The following DNAH8 variants were observed in gnomAD, a reference collection of about 807,000 sequenced individuals.
DNAH8 encodes dynein axonemal heavy chain 8.
A neutral mutation model predicts 562.1 loss-of-function variants in DNAH8; 382 were observed. The ratio of observed to expected loss-of-function variants is 0.68; its 90% CI spans 0.63 to 0.74. The LOEUF (loss-of-function observed/expected upper bound fraction) is 0.74. Ranked by LOEUF, DNAH8 falls within the 30% of genes least tolerant of loss-of-function variation. The pLI is 0.00. For synonymous variants in DNAH8, 1,881 were observed against 1,919.4 expected, an observed-to-expected ratio of 0.98 and a Z score of 0.52; for missense variants, 5,203 against 5,620.4, an observed-to-expected ratio of 0.93 and a Z score of 2.37.
chr6:38,831,354 G>T (rs1008540863), intron 30 of DNAH8, among the ~76,000 whole-genome samples: 1 of 149,696 alleles, frequency 6.7e-6, no homozygotes, highest in Admixed American at 6.7e-5. Flanking sequence ...GAGCCCCAGA[G>T]GTTGAGACTG....
At position 38,896,129 on chromosome 6, in the gene DNAH8, T is replaced by C. The variant is rs138178449; in HGVS notation, c.8844T>C (p.Pro2948=). Residue 2948 remains proline (P), a synonymous_variant, in exon 60 of 93, where the codon CCT becomes CCC. Transcript: ENST00000327475. The part of the protein sequence containing the change: ...IGSDAASCIL[P]EPYFVDFLRE... ...CTGATGCAGCGTCGTGTATTCTTCC[T>C]GAACCATACTTTGTGGATTTTCTTC... 8.8e-5 allele frequency: 142 copies of C among 1,613,856 alleles called. No homozygotes were observed. In the African/African-American group the frequency reaches 1.8e-3, roughly 21 times the overall value.
At chr6:38,945,794 T>A (rs1761360816) in intron 80 of DNAH8, among the ~76,000 whole-genome samples, 1 of 152,150 alleles carries the variant, frequency 6.6e-6, no homozygotes, top group Non-Finnish European at 1.5e-5. Flanking sequence ...GCAACTATGT[T>A]TTCCTCCTGT....
intron 88 of DNAH8, among the ~76,000 whole-genome samples, chr6:39,002,593 T>C (rs2150753729): frequency 6.6e-6 from 1 of 152,352 alleles, no homozygotes; most frequent in East Asian, 1.9e-4. Flanking sequence ...TTCAACTGCA[T>C]GCATGTTTCA....
chr6:38,785,163 A>G lies in DNAH8; in HGVS notation c.2396-1602A>G, dbSNP rs956870993. Among the ~76,000 whole-genome samples, 4 of 152,224 alleles carry G rather than the reference A, an allele frequency of 2.6e-5. No individual in the cohort carries two copies. In the South Asian group the frequency reaches 6.2e-4, roughly 24 times the overall value. On this transcript the variant is annotated intron_variant, in intron 17 of 92. Coordinates refer to ENST00000327475, the MANE Select transcript of DNAH8 (RefSeq NM_001206927.2). ...TTTTTCACAAGTAAAACAAACAGTC[A>G]GTAGAATTCTTTAACTTCTTTCATT...
intron 72 of DNAH8, 21 bp from the exon 73 acceptor site, chr6:38,923,970 G>T (rs1781916163): frequency 1.9e-6 from 3 of 1,613,358 alleles, no homozygotes; most frequent in South Asian, 1.1e-5. Flanking sequence ...TTGGGGAGGG[G>T]GCTGTGTGTT....
At chr6:38,774,324 G>A (rs1582968210) in intron 12 of DNAH8, among the ~76,000 whole-genome samples, 1 of 152,266 alleles carries the variant, frequency 6.6e-6, no homozygotes, top group African/African-American at 2.4e-5. Flanking sequence ...TGAGATGAGG[G>A]AATCACAGCA....
In DNAH8 at chr6:38,815,501, G is replaced by A; in HGVS notation, c.3367G>A (p.Ala1123Thr). The A allele has an allele frequency of 3.7e-6, 6 of 1,613,954 alleles. No individual in the cohort carries two copies. Among genetic ancestry groups the A allele is most frequent in the Non-Finnish European group, 5.1e-6 (6 of 1,179,878 alleles). Residue 1123 changes from alanine to threonine, a missense_variant, in exon 26 of 93, where the codon GCC becomes ACC. Coordinates refer to ENST00000327475, the MANE Select transcript of DNAH8 (RefSeq NM_001206927.2). The part of the protein sequence containing the change: ...MIPSLDDIQQ[A>T]INRMIQLTLE... The stretch of plus-strand genomic sequence containing the variant: ...TCCTAGTTTGGATGACATTCAACAA[G>A]CCATTAACCGTATGATCCAGTTAAC...
rs1774917776 is a variant in DNAH8 at position 38,842,720 on chromosome 6, G to C, written c.4662G>C (p.Lys1554Asn). Residue 1554 changes from lysine to asparagine, a missense_variant, in exon 35 of 93, where the codon AAG becomes AAC. Coordinates refer to ENST00000327475, the MANE Select transcript of DNAH8 (RefSeq NM_001206927.2). ...GGCAAGCTTTTTTGGATCTCAAAAAGAGAATTGATGATTTCAGTGAGTCAT... is the reference window on the plus strand; with the variant it reads ...GGCAAGCTTTTTTGGATCTCAAAAACAGAATTGATGATTTCAGTGAGTCAT... The part of the protein sequence containing the change: ...KDWQAFLDLK[K>N]RIDDFSESCP... The C allele has an allele frequency of 1.2e-6, 2 of 1,613,740 alleles. No individual in the cohort carries two copies. Among genetic ancestry groups the C allele is most frequent in the African/African-American group, 1.3e-5 (1 of 74,908 alleles).
intron 23 of DNAH8, among the ~76,000 whole-genome samples, chr6:38,807,046 A>C (rs1219972720): frequency 6.6e-6 from 1 of 152,202 alleles, no homozygotes; most frequent in Non-Finnish European, 1.5e-5. Context: ...ATCTCTGCCT[A>C]CCAGGCTCAA....
intron 91 of DNAH8, among the ~76,000 whole-genome samples, chr6:39,014,134 AT>A (rs1766412387): frequency 6.6e-6 from 1 of 152,200 alleles, no homozygotes; most frequent in South Asian, 2.1e-4. Flanking sequence ...AAATGTTTAA[AT>A]TTGAAACACT....
chr6:39,012,284 A>T lies in DNAH8; in HGVS notation c.13441A>T (p.Arg4481Ter), dbSNP rs1766265024. 1 of 1,612,482 alleles carries T rather than the reference A, an allele frequency of 6.2e-7. No homozygotes were observed. Among genetic ancestry groups the T allele is most frequent in the Non-Finnish European group, 8.5e-7 (1 of 1,178,732 alleles). ...CATATTTCTTAGACAAGAAATTGAC[A>T]GAATGCAAAGAGTCATTTCAATACT... ...MNIFLRQEID[R>*]MQRVISILRS... Residue 4481 changes from arginine to a stop codon, truncating the protein, a stop_gained, in exon 90 of 93, where the codon AGA becomes TGA. Transcript: ENST00000327475. LOFTEE classifies it high-confidence loss of function.
intron 82 of DNAH8, among the ~76,000 whole-genome samples, chr6:38,961,683 C>T (rs1025424274): frequency 6.6e-6 from 1 of 151,876 alleles, no homozygotes; most frequent in Non-Finnish European, 1.5e-5. Flanking sequence ...AAAGTAGGAA[C>T]AGAAGGATAT....
chr6:38,749,979 C>T (rs1765291991), intron 8 of DNAH8, among the ~76,000 whole-genome samples: 1 of 152,246 alleles, frequency 6.6e-6, no homozygotes, highest in African/African-American at 2.4e-5. Context: ...CCTACAGGCG[C>T]CCGCCGCCAC....
chr6:38,837,856 T>C (rs761508825), intron 32 of DNAH8, 86 bp from the exon 33 acceptor site: 2 of 965,016 alleles, frequency 2.1e-6, no homozygotes, highest in Admixed American at 2.4e-5. Context: ...AACCTCAACC[T>C]AGCTTTTATC....
At chr6:38,840,589 G>A (rs1293033292) in intron 33 of DNAH8, among the ~76,000 whole-genome samples, 1 of 152,096 alleles carries the variant, frequency 6.6e-6, no homozygotes, top group Admixed American at 6.5e-5. Flanking sequence ...ATTCATCTAG[G>A]TTATGATCAT....
chr6:38,841,332 T>C (rs545377571), intron 33 of DNAH8, among the ~76,000 whole-genome samples: 25 of 152,158 alleles, frequency 1.6e-4, no homozygotes, highest in Non-Finnish European at 3.4e-4. Context: ...GGCAGGGGAA[T>C]TGCTTGAACC....
chr6:38,754,493 A>C (rs1385476150), intron 9 of DNAH8, among the ~76,000 whole-genome samples: 1 of 152,152 alleles, frequency 6.6e-6, no homozygotes, highest in East Asian at 1.9e-4. Context: ...GTTATACCCC[A>C]CACCTAGGAC....
chr6:38,850,983 T>C (rs1296307875), intron 38 of DNAH8, among the ~76,000 whole-genome samples: 6 of 152,182 alleles, frequency 3.9e-5, no homozygotes, highest in Non-Finnish European at 7.3e-5. Flanking sequence ...GGACATGTCT[T>C]TTTGAGGGCT....
In DNAH8 at chr6:38,845,797, G is replaced by C. The variant is rs1316267339; in HGVS notation, c.5045+24G>C. 6 of 1,559,614 alleles carry C rather than the reference G, an allele frequency of 3.8e-6. No individual in the cohort carries two copies. In the Admixed American group the frequency reaches 8.4e-5, roughly 22 times the overall value. The stretch of plus-strand genomic sequence containing the variant: ...AGGTAATTTTATAATTTGAGAGAGA[G>C]ATTTAAATGGGATATTTAGGGTTAT... On this transcript the variant is annotated intron_variant, in intron 36 of 92. Transcript: ENST00000327475.
Sources: allele counts gnomAD v4.1 joint callset (sites outside exome capture counted in the v4.1 genomes callset), GRCh38; gene constraint gnomAD v4.1.1; transcripts MANE v1.5; gene names NCBI Gene and HGNC (gene_info 2026-07-23, HGNC 2026-07-21).